CLCA2: variants seen among roughly 807,000 people sequenced by gnomAD.
CLCA2 encodes the protein calcium-activated chloride channel regulator 2.
In CLCA2, 85 loss-of-function variants were observed where a neutral mutation model predicts 82.9. That is an observed-to-expected ratio of 1.03 (90% confidence interval 0.86 to 1.23). The LOEUF is 1.23. Ranked by LOEUF, CLCA2 falls within the 50% of genes most tolerant of loss-of-function variation. The probability of loss-of-function intolerance (pLI) is 0.00; values close to 1 mark genes in which losing one functional copy is unlikely to be tolerated. For synonymous variants in CLCA2, 421 were observed against 391.7 expected (o/e 1.07, Z -0.88); for missense variants, 1,089 against 1,124.8 (o/e 0.97, Z 0.45).
chr1:86,425,472 A>C lies in CLCA2; in HGVS notation c.320A>C (p.Glu107Ala). The change falls in exon 2 of 14, where the codon GAA becomes GCA. Residue 107 changes from glutamate (E) to alanine (A), a missense_variant. Glu to Ala is a moderately radical substitution (Grantham distance 107). Transcript: ENST00000370565. Reference protein sequence around the residue: ...NNSKIKQESYEKANVIVTDWY... With the variant: ...NNSKIKQESYAKANVIVTDWY... ...AGCAAAATAAAACAAGAATCATATGAAAAGGTAAGAATCCAGGATTTCATT... is the reference window on the plus strand; with the variant it reads ...AGCAAAATAAAACAAGAATCATATGCAAAGGTAAGAATCCAGGATTTCATT... The C allele has an allele frequency of 6.5e-7, 1 of 1,541,998 alleles. No homozygotes were observed. Among genetic ancestry groups the C allele is most frequent in the Non-Finnish European group, 8.8e-7 (1 of 1,142,124 alleles).
rs1353468837 is a variant in CLCA2, at chr1:86,447,513, G to A, written c.1719G>A (p.Gly573=). Residue 573 remains glycine (G), a synonymous_variant, in exon 11 of 14, where the codon GGG becomes GGA. Coordinates refer to ENST00000370565, the MANE Select transcript of CLCA2 (RefSeq NM_006536.7). Reference sequence around the variant, plus strand: ...CAATAAGACTTGTTTTACAGCCTGGGCACTGGACTTACACCCTGAACAATA... The same window carrying A: ...CAATAAGACTTGTTTTACAGCCTGGACACTGGACTTACACCCTGAACAATA... The part of the protein sequence containing the change: ...SLWIPGTAKP[G]HWTYTLNNTH... 6.2e-7 allele frequency: 1 copy of A among 1,613,420 alleles called. No homozygotes were observed. The highest frequency in any genetic ancestry group is 8.5e-7 in the Non-Finnish European group (1 of 1,179,646).
chr1:86,430,446 A>C (rs1662473379), intron 3 of CLCA2, among the ~76,000 whole-genome samples: 1 of 152,174 alleles, frequency 6.6e-6, no homozygotes, highest in African/African-American at 2.4e-5. Context: ...TGGATAGCTC[A>C]GACAGAAGAT....
intron 7 of CLCA2, among the ~76,000 whole-genome samples, chr1:86,439,712 A>G (rs1662684052): frequency 6.6e-6 from 1 of 152,216 alleles, no homozygotes; most frequent in Non-Finnish European, 1.5e-5. Flanking sequence ...TAAAAAAAAT[A>G]CTAATGTGTG....
rs750658314 is a variant in CLCA2 at position 86,438,863 on chromosome 1, T to A, written c.973-13T>A. 7 of 1,611,496 alleles carry A rather than the reference T, an allele frequency of 4.3e-6. No individual in the cohort carries two copies. Among genetic ancestry groups the A allele is most frequent in the Non-Finnish European group, 5.9e-6 (7 of 1,178,062 alleles). On this transcript the variant is annotated splice_polypyrimidine_tract_variant and intron_variant, in intron 6 of 13. Transcript: ENST00000370565. ...AAATGTTGCCATTTTCTTTTTTCCT[T>A]TTTGGGACATAGGCTGACAGACTCC... is the stretch of plus-strand genomic sequence containing the variant.
At chr1:86,445,761 C>A (rs140904254) in intron 10 of CLCA2, among the ~76,000 whole-genome samples, 1 of 151,926 alleles carries the variant, frequency 6.6e-6, no homozygotes, top group Non-Finnish European at 1.5e-5. Flanking sequence ...CTAATACCAA[C>A]CATCTTTTAA....
At position 86,436,034 on chromosome 1, in the gene CLCA2, T is replaced by G. The variant is rs76438264; in HGVS notation, c.972+1289T>G. 6.6e-3 allele frequency among the ~76,000 whole-genome samples: 1,012 copies of G among 152,358 alleles called. 6 individuals carry two copies. The highest frequency in any genetic ancestry group is 0.011 in the Non-Finnish European group (722 of 68,028). On this transcript the variant is annotated intron_variant, in intron 6 of 13. Coordinates refer to ENST00000370565, the MANE Select transcript of CLCA2 (RefSeq NM_006536.7). ...TTTATTGGAATATAGCAATGCTCAT[T>G]TGTCAACATATTATCTATGGATACT...
At chr1:86,429,162 G>T (rs947199402) in intron 3 of CLCA2, among the ~76,000 whole-genome samples, 18 of 152,128 alleles carry the variant, frequency 1.2e-4, no homozygotes, top group African/African-American at 4.1e-4. Flanking sequence ...GATATCAGGA[G>T]AATAACTGGG....
rs1288776456 is a variant in CLCA2 at position 86,455,556 on chromosome 1, G to T, written c.*29G>T. On this transcript the variant is annotated 3_prime_UTR_variant, in exon 14 of 14. Coordinates refer to ENST00000370565, the MANE Select transcript of CLCA2 (RefSeq NM_006536.7). Reference sequence around the variant, plus strand: ...AATATCCAAAGTGTCTTCCTTCTTAGATATAAGACCCATGGCCTTCGACTA... The same window carrying T: ...AATATCCAAAGTGTCTTCCTTCTTATATATAAGACCCATGGCCTTCGACTA... The T allele has an allele frequency of 4.3e-6, 6 of 1,391,638 alleles. No individual in the cohort carries two copies. The South Asian group carries it at 1.1e-4, about 26-fold the overall frequency. 86.2% of individuals were successfully genotyped at this position (1,391,638 alleles called of 1,614,324 possible).
intron 3 of CLCA2, 43 bp from the exon 4 acceptor site, chr1:86,430,819 T>A: frequency 6.9e-7 from 1 of 1,459,418 alleles, no homozygotes. Context: ...GGCACATTGC[T>A]GAGATTTTAG....
At position 86,450,726 on chromosome 1, in the gene CLCA2, A is replaced by G. The variant is rs769125829; in HGVS notation, c.2148A>G (p.Thr716=). ...GSHAMYVPGY[T]ANGNIQMNAP... is the part of the protein sequence containing the mutation. ...ATGCTATGTATGTACCAGGTTACACAGCAAACGGTAAGAACCATTAGCACT... is the reference window on the plus strand; with the variant it reads ...ATGCTATGTATGTACCAGGTTACACGGCAAACGGTAAGAACCATTAGCACT... The change falls in exon 12 of 14, where the codon ACA becomes ACG. Residue 716 remains threonine (T), a synonymous_variant. Coordinates refer to ENST00000370565, the MANE Select transcript of CLCA2 (RefSeq NM_006536.7). The G allele has an allele frequency of 3.1e-6, 5 of 1,600,664 alleles. No homozygotes were observed. Among genetic ancestry groups the G allele is most frequent in the Non-Finnish European group, 4.3e-6 (5 of 1,173,338 alleles).
intron 2 of CLCA2, among the ~76,000 whole-genome samples, chr1:86,425,810 A>G (rs1251099993): frequency 1.3e-5 from 2 of 152,196 alleles, no homozygotes; most frequent in African/African-American, 4.8e-5. Flanking sequence ...AACAGTTCCA[A>G]TTATGACTAT....
At position 86,430,865 on chromosome 1, in the gene CLCA2, G is replaced by A. The variant is rs760273333; in HGVS notation, c.479G>A (p.Arg160Gln). ...GCAAAAGTTCTTTCTTCCGCAGGCC[G>A]AGTGTTTGTCCATGAATGGGCCCAC... Reference protein sequence around the residue: ...NLTAGYGSRGRVFVHEWAHLR... With the variant: ...NLTAGYGSRGQVFVHEWAHLR... The change falls in exon 4 of 14, where the codon CGA (arginine) becomes CAA (glutamine). Residue 160 changes from arginine (R) to glutamine (Q), a missense_variant. Transcript: ENST00000370565. The A allele has an allele frequency of 5.3e-5, 86 of 1,612,556 alleles. No individual in the cohort carries two copies. Among genetic ancestry groups the A allele is most frequent in the Non-Finnish European group, 6.9e-5 (81 of 1,179,388 alleles).
chr1:86,438,974 A>C lies in CLCA2; in HGVS notation c.1071A>C (p.Lys357Asn). 6.2e-7 allele frequency: 1 copy of C among 1,614,136 alleles called. No individual in the cohort carries two copies. Among genetic ancestry groups the C allele is most frequent in the Non-Finnish European group, 8.5e-7 (1 of 1,180,002 alleles). The change falls in exon 7 of 14, where the codon AAA becomes AAC. Residue 357 changes from lysine (K) to asparagine (N), a missense_variant. By Grantham distance (94) the Lys-to-Asn change is moderately conservative. Transcript: ENST00000370565. ...TFVGIASFDS[K>N]GEIRAQLHQI... ...TGGGCATTGCCAGTTTCGACAGCAA[A>C]GGAGAGATCAGAGCCCAGCTACACC...
chr1:86,441,891 T>C (rs1374976166), intron 9 of CLCA2, among the ~76,000 whole-genome samples: 2 of 152,222 alleles, frequency 1.3e-5, no homozygotes, highest in African/African-American at 4.8e-5. Context: ...CAATCAGAAT[T>C]CATCTTATTT....
chr1:86,426,929 A>G (rs893169799), intron 2 of CLCA2, among the ~76,000 whole-genome samples: 1 of 152,214 alleles, frequency 6.6e-6, no homozygotes, highest in Non-Finnish European at 1.5e-5. Flanking sequence ...AAGTAAAGCA[A>G]AAGTGAAAAT....
intron 10 of CLCA2, among the ~76,000 whole-genome samples, chr1:86,446,704 C>T (rs1662861698): frequency 6.6e-6 from 1 of 152,206 alleles, no homozygotes; most frequent in African/African-American, 2.4e-5. Context: ...GTTCTTCCTT[C>T]TGCTTTGTTG....
At chr1:86,434,372 T>C in intron 5 of CLCA2, 146 bp from the exon 6 acceptor site, 1 of 640,934 alleles carries the variant, frequency 1.6e-6, no homozygotes. Context: ...ATGTCATTCT[T>C]GAAGGAAAGA....
At chr1:86,432,887 T>C (rs1007329126) in intron 5 of CLCA2, among the ~76,000 whole-genome samples, 14 of 152,214 alleles carry the variant, frequency 9.2e-5, no homozygotes, top group Admixed American at 2.6e-4. Flanking sequence ...AGCAGACCAC[T>C]CTGTATTTGA....
chr1:86,433,258 T>C (rs1037852677), intron 5 of CLCA2, among the ~76,000 whole-genome samples: 5 of 152,152 alleles, frequency 3.3e-5, no homozygotes, highest in African/African-American at 1.2e-4. Flanking sequence ...CATGACCTGA[T>C]ATATCTCTCA....
Sources: allele counts gnomAD v4.1 joint callset (sites outside exome capture counted in the v4.1 genomes callset), GRCh38; gene constraint gnomAD v4.1.1; transcripts MANE v1.5; gene names NCBI Gene and HGNC (gene_info 2026-07-23, HGNC 2026-07-21).